Variants in TLK1 observed in about 807,000 individuals in gnomAD.
TLK1 encodes the protein serine/threonine-protein kinase tousled-like 1.
In TLK1, 24 loss-of-function variants were observed where a neutral mutation model predicts 105.3. The ratio of observed to expected loss-of-function variants is 0.23; its 90% CI spans 0.17 to 0.32. The LOEUF is 0.32. Among genes scored for constraint, TLK1 ranks in the 10% least tolerant of loss-of-function variants. The pLI is 1.00. For missense variants in TLK1, 558 were observed against 910.5 expected (o/e 0.61, Z 4.98); for synonymous variants, 321 against 310.4 (o/e 1.03, Z -0.36).
chr2:171,106,527 T>A (rs987015149), intron 2 of TLK1, among the ~76,000 whole-genome samples: 2 of 152,204 alleles, frequency 1.3e-5, no homozygotes, highest in Non-Finnish European at 2.9e-5. Flanking sequence ...ATGTACAGTA[T>A]CTGTTGCTTG....
intron 1 of TLK1, among the ~76,000 whole-genome samples, chr2:171,220,782 A>G (rs1324313658): frequency 6.6e-6 from 1 of 152,086 alleles, no homozygotes; most frequent in East Asian, 1.9e-4. Context: ...ATGTGGGAGA[A>G]GGAGAAACCA....
chr2:170,997,563 T>C (rs1320942182), intron 19 of TLK1, 149 bp downstream of exon 19: 5 of 474,266 alleles, frequency 1.1e-5, no homozygotes, highest in Non-Finnish European at 1.9e-5. Context: ...TTCTGATCCA[T>C]GGAAATTTTA....
chr2:171,069,969 T>C (rs1157908517), intron 3 of TLK1, among the ~76,000 whole-genome samples: 2 of 152,216 alleles, frequency 1.3e-5, no homozygotes, highest in South Asian at 2.1e-4. Flanking sequence ...GATTGTATAC[T>C]AGGAAATGCT....
Position 171,006,635 on chromosome 2 carries a change from G to A in TLK1, c.1607C>T (p.Thr536Ile). 6.2e-7 allele frequency: 1 copy of A among 1,612,114 alleles called. No individual in the cohort carries two copies. Among genetic ancestry groups the A allele is most frequent in the Non-Finnish European group, 8.5e-7 (1 of 1,179,634 alleles). ...YFSLDTDTFC[T>I]VLEYCEGNDL... ...ATTGCCTTCACAGTATTCTAACACT[G>A]TACAAAACCTACAACAGAGAAGAGA... is the stretch of plus-strand genomic sequence containing the variant. Residue 536 changes from threonine to isoleucine, a missense_variant, in exon 17 of 21, where the codon ACA (threonine) becomes ATA (isoleucine). Physicochemically the swap from Thr to Ile is moderately conservative, Grantham distance 89 (BLOSUM62 -1). Coordinates refer to ENST00000431350, the MANE Select transcript of TLK1 (RefSeq NM_012290.5).
intron 1 of TLK1, among the ~76,000 whole-genome samples, chr2:171,133,623 A>G (rs527994778): frequency 6.6e-6 from 1 of 152,032 alleles, no homozygotes; most frequent in Non-Finnish European, 1.5e-5. Context: ...AAGCTTTTTT[A>G]AAAAAAGAAA....
At chr2:171,003,208 A>G (rs1160504998) in intron 18 of TLK1, among the ~76,000 whole-genome samples, 1 of 134,398 alleles carries the variant, frequency 7.4e-6, no homozygotes, top group African/African-American at 2.9e-5. Context: ...CGGGAGGCGG[A>G]GCTTGCAGTG....
rs563493455 is a variant in TLK1 at position 170,993,683 on chromosome 2, A to G, written c.*97T>C. On this transcript the variant is annotated 3_prime_UTR_variant, in exon 21 of 21. Transcript: ENST00000431350. ...ACGTCTTGTGTAAAAAAAAAAAAAA[A>G]AAAAAAAGAAAAAGAAAACAAACAC... 50 of 974,988 alleles carry G rather than the reference A, an allele frequency of 5.1e-5. No homozygotes were observed. The highest frequency in any genetic ancestry group is 4.5e-4 in the African/African-American group (27 of 59,480). 60.4% of individuals were successfully genotyped at this position (974,988 alleles called of 1,614,324 possible). A position where few individuals can be genotyped will look rare whatever the true frequency, so the allele number is the denominator to read the frequency against.
At chr2:171,134,681 A>G (rs73013439) in intron 1 of TLK1, among the ~76,000 whole-genome samples, 18,543 of 145,860 alleles carry the variant, frequency 0.13, 1,929 homozygotes, top group African/African-American at 0.3. Flanking sequence ...ATGAATAGGA[A>G]AAAAAAAAAA....
chr2:170,997,538 G>A (rs1467434234), intron 19 of TLK1, among the ~76,000 whole-genome samples, 174 bp downstream of exon 19: 1 of 152,214 alleles, frequency 6.6e-6, no homozygotes, highest in African/African-American at 2.4e-5. Flanking sequence ...GTAAACTGGT[G>A]TGACATTAAA....
intron 12 of TLK1, among the ~76,000 whole-genome samples, chr2:171,019,126 A>C (rs1685351975): frequency 1.3e-5 from 2 of 152,214 alleles, no homozygotes; most frequent in African/African-American, 2.4e-5. Context: ...TTAAAAAAAA[A>C]AAATGTGTAT....
At chr2:171,211,855 T>G (rs1055727169) in intron 1 of TLK1, among the ~76,000 whole-genome samples, 7 of 148,610 alleles carry the variant, frequency 4.7e-5, no homozygotes, top group Non-Finnish European at 1.0e-4. Context: ...GCCTCTTTTT[T>G]TTTTTTTCAA....
intron 1 of TLK1, among the ~76,000 whole-genome samples, chr2:171,120,893 A>G (rs1375013337): frequency 2.6e-5 from 4 of 152,266 alleles, no homozygotes; most frequent in Non-Finnish European, 4.4e-5. Flanking sequence ...GAAGCAATCC[A>G]AGTGGCCATC....
intron 12 of TLK1, among the ~76,000 whole-genome samples, chr2:171,028,048 A>G (rs1170998825): frequency 6.6e-6 from 1 of 152,194 alleles, no homozygotes; most frequent in Non-Finnish European, 1.5e-5. Context: ...CTGTAATCCC[A>G]GCTACTCAGG....
intron 6 of TLK1, among the ~76,000 whole-genome samples, chr2:171,055,389 T>C (rs1558912995): frequency 6.6e-6 from 1 of 151,778 alleles, no homozygotes; most frequent in Non-Finnish European, 1.5e-5. Context: ...CAGTGAGAAA[T>C]ACAACAATAT....
chr2:171,113,383 G>A (rs896219198), intron 2 of TLK1, among the ~76,000 whole-genome samples: 1 of 151,090 alleles, frequency 6.6e-6, no homozygotes, highest in Admixed American at 6.6e-5. Context: ...CAATTCTCCT[G>A]TCTCAGCCTC....
At chr2:171,031,785 A>G (rs777531244) in intron 11 of TLK1, among the ~76,000 whole-genome samples, 4 of 152,228 alleles carry the variant, frequency 2.6e-5, no homozygotes, top group Admixed American at 6.5e-5. Flanking sequence ...AGTATTTTAA[A>G]AAGTTAGTAG....
rs150441108 is a variant in TLK1, at chr2:171,214,609, C to T, written c.-6+16536G>A. Among the ~76,000 whole-genome samples, 656 of 152,274 alleles carry T rather than the reference C, an allele frequency of 4.3e-3. 2 individuals are homozygous for T. The highest frequency in any genetic ancestry group is 5.8e-3 in the Non-Finnish European group (397 of 68,028). ...AGGCCCCACCCTACAATTTCTGATT[C>T]AGTTAAGTCTGCAGTGAGGCTGAAA... On this transcript the variant is annotated intron_variant, in intron 1 of 20. Transcript: ENST00000521943.
chr2:171,060,220 C>A (rs1008866474), intron 4 of TLK1, among the ~76,000 whole-genome samples: 1 of 152,154 alleles, frequency 6.6e-6, no homozygotes, highest in Non-Finnish European at 1.5e-5. Context: ...TCATCTTATT[C>A]GGGGGCTTGT....
intron 11 of TLK1, among the ~76,000 whole-genome samples, chr2:171,029,991 C>T (rs575999293): frequency 3.3e-5 from 5 of 152,302 alleles, no homozygotes; most frequent in East Asian, 3.9e-4. Flanking sequence ...AGTGATCCAC[C>T]GACCTCAGCC....
Sources: allele counts gnomAD v4.1 joint callset (sites outside exome capture counted in the v4.1 genomes callset), GRCh38; gene constraint gnomAD v4.1.1; transcripts MANE v1.5; gene names NCBI Gene and HGNC (gene_info 2026-07-23, HGNC 2026-07-21).